Variants in LUZP2 observed in about 807,000 individuals in gnomAD.
The protein encoded by LUZP2 is leucine zipper protein 2.
Under a neutral mutation model 51.6 loss-of-function variants are expected in LUZP2, and 52 were observed. That is an observed-to-expected ratio of 1.01 (90% CI 0.81 to 1.27). LUZP2 has a LOEUF of 1.27. Ranked by LOEUF, LUZP2 falls within the 50% of genes most tolerant of loss-of-function variation. The probability of loss-of-function intolerance (pLI) is 0.00; values close to 1 mark genes in which losing one functional copy is unlikely to be tolerated. For synonymous variants in LUZP2, 154 were observed against 137.3 expected, an observed-to-expected ratio of 1.12 and a Z score of -0.85; for missense variants, 436 against 395.4, an observed-to-expected ratio of 1.10 and a Z score of -0.87.
chr11:24,498,136 G>T (rs980768897), intron 1 of LUZP2, among the ~76,000 whole-genome samples: 1 of 152,156 alleles, frequency 6.6e-6, no homozygotes, highest in Non-Finnish European at 1.5e-5. Flanking sequence ...GCAGCACAAA[G>T]GTGGACTGTT....
At chr11:24,624,422 G>C (rs1854608383) in intron 1 of LUZP2, among the ~76,000 whole-genome samples, 1 of 151,934 alleles carries the variant, frequency 6.6e-6, no homozygotes, top group Admixed American at 6.6e-5. Context: ...GTCAAAAATA[G>C]CTGGTTAAAC....
chr11:24,785,320 G>A lies in LUZP2; in HGVS notation c.396+22012G>A, dbSNP rs546478361. On this transcript the variant is annotated intron_variant, in intron 5 of 11. Transcript: ENST00000336930. ...GAGGAAAAAGGAGAGGAGGAAAGAA[G>A]AAACTAACAATCTAAGGCTTAAATA... Among the ~76,000 whole-genome samples, 42 of 152,166 alleles carry A rather than the reference G, an allele frequency of 2.8e-4. No homozygotes were observed. The South Asian group carries it at 7.0e-3, about 26-fold the overall frequency.
At chr11:24,604,663 CT>C (rs1430071762) in intron 1 of LUZP2, among the ~76,000 whole-genome samples, 1 of 151,770 alleles carries the variant, frequency 6.6e-6, no homozygotes, top group Non-Finnish European at 1.5e-5. Context: ...ATTTGTTTGA[CT>C]TTGTCCGGTG....
intron 9 of LUZP2, among the ~76,000 whole-genome samples, chr11:25,006,495 A>G (rs1288198076): frequency 6.6e-6 from 1 of 152,166 alleles, no homozygotes; most frequent in East Asian, 1.9e-4. Flanking sequence ...AGGCAAACCA[A>G]TGCTCACAAC....
chr11:24,844,946 C>T (rs899543708), intron 5 of LUZP2, among the ~76,000 whole-genome samples: 24 of 151,954 alleles, frequency 1.6e-4, no homozygotes, highest in Non-Finnish European at 3.1e-4. Flanking sequence ...ATGGGGCCCT[C>T]ATGGAGAACC....
chr11:24,854,109 T>C (rs1368162444), intron 5 of LUZP2, among the ~76,000 whole-genome samples: 1 of 152,222 alleles, frequency 6.6e-6, no homozygotes, highest in Non-Finnish European at 1.5e-5. Context: ...AGGGACCCAT[T>C]TGAGGAGGCA....
At chr11:24,899,098 A>G (rs541543520) in intron 5 of LUZP2, among the ~76,000 whole-genome samples, 1 of 152,282 alleles carries the variant, frequency 6.6e-6, no homozygotes, top group African/African-American at 2.4e-5. Context: ...CATACGTTGG[A>G]TGATTGAAAA....
At chr11:24,703,754 G>T (rs1857486006) in intron 1 of LUZP2, among the ~76,000 whole-genome samples, 1 of 151,892 alleles carries the variant, frequency 6.6e-6, no homozygotes, top group South Asian at 2.1e-4. Flanking sequence ...GCTTGAACCT[G>T]GGAGATGGAG....
chr11:24,890,855 T>C, intron 5 of LUZP2: 1 of 912,816 alleles, frequency 1.1e-6, no homozygotes, highest in East Asian at 1.2e-4. Context: ...AGAAAAAATA[T>C]AAAGCATTTT....
chr11:24,740,274 G>C (rs889330908), intron 4 of LUZP2, among the ~76,000 whole-genome samples: 13 of 152,110 alleles, frequency 8.5e-5, no homozygotes, highest in Admixed American at 7.2e-4. Flanking sequence ...TATGCAAACT[G>C]TCTGAGATCC....
chr11:24,720,697 GTTTGT>G (rs570046273), intron 1 of LUZP2, among the ~76,000 whole-genome samples: 16 of 151,898 alleles, frequency 1.1e-4, no homozygotes, highest in Non-Finnish European at 2.1e-4. Flanking sequence ...TCTTTTGTTT[GTTTGT>G]TTTGTTTTGT....
intron 1 of LUZP2, among the ~76,000 whole-genome samples, chr11:24,596,742 A>G (rs912955830): frequency 6.6e-6 from 1 of 152,192 alleles, no homozygotes; most frequent in Admixed American, 6.5e-5. Flanking sequence ...TAAAAAAACT[A>G]CAGTTCTTGG....
chr11:24,754,416 A>G (rs1455052092), intron 4 of LUZP2, among the ~76,000 whole-genome samples: 1 of 152,122 alleles, frequency 6.6e-6, no homozygotes, highest in African/African-American at 2.4e-5. Context: ...CTGATGTTTT[A>G]TTAGCATCTG....
chr11:24,549,039 C>A (rs1851644795), intron 1 of LUZP2, among the ~76,000 whole-genome samples: 1 of 151,770 alleles, frequency 6.6e-6, no homozygotes, highest in Non-Finnish European at 1.5e-5. Flanking sequence ...AAGAAATTAA[C>A]CTTGGCTTAC....
rs1357410568 is a variant in LUZP2, at chr11:25,021,973, C to G, written c.766-28065C>G. Among the ~76,000 whole-genome samples, 5 of 152,146 alleles carry G rather than the reference C, an allele frequency of 3.3e-5. No homozygotes were observed. The South Asian group carries it at 6.2e-4, about 19-fold the overall frequency. ...CACTCCAACTGTATTTTTCACCACTCTTCATCCTTCTCCAGGCATATCACC... is the reference window on the plus strand; with the variant it reads ...CACTCCAACTGTATTTTTCACCACTGTTCATCCTTCTCCAGGCATATCACC... On this transcript the variant is annotated intron_variant, in intron 9 of 11. Transcript: ENST00000336930.
chr11:24,772,058 C>A (rs1860442119), intron 5 of LUZP2, among the ~76,000 whole-genome samples: 1 of 151,940 alleles, frequency 6.6e-6, no homozygotes, highest in Non-Finnish European at 1.5e-5. Context: ...GCTTAAAGAC[C>A]CCACAATATA....
intron 7 of LUZP2, among the ~76,000 whole-genome samples, chr11:24,945,356 T>G (rs1854869542): frequency 6.6e-6 from 1 of 152,158 alleles, no homozygotes; most frequent in Non-Finnish European, 1.5e-5. Context: ...TGTAACATTT[T>G]TCTTCTAAAT....
intron 5 of LUZP2, among the ~76,000 whole-genome samples, chr11:24,801,292 C>A: frequency 6.6e-6 from 1 of 152,040 alleles, no homozygotes; most frequent in East Asian, 1.9e-4. Context: ...GCCTCTGCAA[C>A]CCCAACCCTC....
At chr11:24,872,241 C>A (rs1480267844) in intron 5 of LUZP2, among the ~76,000 whole-genome samples, 1 of 151,988 alleles carries the variant, frequency 6.6e-6, no homozygotes, top group Non-Finnish European at 1.5e-5. Context: ...GCAAATTCAC[C>A]TTATATACCA....
Sources: allele counts gnomAD v4.1 joint callset (sites outside exome capture counted in the v4.1 genomes callset), GRCh38; gene constraint gnomAD v4.1.1; transcripts MANE v1.5; gene names NCBI Gene and HGNC (gene_info 2026-07-23, HGNC 2026-07-21).